DYNC1I1: variants seen among roughly 807,000 people sequenced by gnomAD.
DYNC1I1 encodes the protein cytoplasmic dynein 1 intermediate chain 1.
A neutral mutation model predicts 86.6 loss-of-function variants in DYNC1I1; 43 were observed. That is an observed-to-expected ratio of 0.50 (90% CI 0.39 to 0.64). DYNC1I1 has a LOEUF of 0.64. Among genes scored for constraint, DYNC1I1 ranks in the 30% least tolerant of loss-of-function variants. The pLI is 0.00. For synonymous variants in DYNC1I1, 262 were observed against 283.7 expected, an observed-to-expected ratio of 0.92 and a Z score of 0.77; for missense variants, 604 against 788.8, an observed-to-expected ratio of 0.77 and a Z score of 2.81.
intron 6 of DYNC1I1, among the ~76,000 whole-genome samples, chr7:95,965,236 A>G (rs1221668724): frequency 6.6e-6 from 1 of 152,182 alleles, no homozygotes; most frequent in African/African-American, 2.4e-5. Context: ...TGCTCCAAAT[A>G]TTGTTGCAAC....
At chr7:96,101,422 G>A (rs1169267984), downstream of DYNC1I1, among the ~76,000 whole-genome samples, 3 of 152,092 alleles carry the variant, frequency 2.0e-5, no homozygotes, top group Admixed American at 2.0e-4. Context: ...TAGGAGGGAG[G>A]ACACCAGGAG....
intron 6 of DYNC1I1, among the ~76,000 whole-genome samples, chr7:95,877,290 C>T (rs1790335867): frequency 6.6e-6 from 1 of 152,170 alleles, no homozygotes; most frequent in South Asian, 2.1e-4. Context: ...TTTACCTTGG[C>T]TTCAACATGC....
intron 14 of DYNC1I1, among the ~76,000 whole-genome samples, chr7:96,053,341 A>G (rs1446453787): frequency 6.6e-6 from 1 of 152,218 alleles, no homozygotes; most frequent in Non-Finnish European, 1.5e-5. Flanking sequence ...TCTGGAATGG[A>G]TCACTGCAGA....
intron 6 of DYNC1I1, among the ~76,000 whole-genome samples, chr7:95,941,762 G>A (rs1355811335): frequency 6.6e-6 from 1 of 152,216 alleles, no homozygotes; most frequent in African/African-American, 2.4e-5. Flanking sequence ...TCCCAAGTGA[G>A]GCAATGCCTT....
At chr7:96,091,498 C>T (rs1190724139) in intron 16 of DYNC1I1, among the ~76,000 whole-genome samples, 1 of 152,092 alleles carries the variant, frequency 6.6e-6, no homozygotes, top group East Asian at 1.9e-4. Flanking sequence ...GGCCATACTT[C>T]ATGTATCTGA....
chr7:95,790,301 C>T (rs922091847), intron 1 of DYNC1I1, among the ~76,000 whole-genome samples: 2 of 152,118 alleles, frequency 1.3e-5, no homozygotes, highest in African/African-American at 4.8e-5. Context: ...TCTCTGACTG[C>T]CTTTCCATTT....
chr7:95,823,366 A>G (rs571480824), intron 4 of DYNC1I1, among the ~76,000 whole-genome samples: 1 of 152,192 alleles, frequency 6.6e-6, no homozygotes, highest in Non-Finnish European at 1.5e-5. Flanking sequence ...ACACTAAGTG[A>G]AGGGAAATTA....
chr7:95,995,914 A>G, intron 9 of DYNC1I1, 34 bp from the exon 10 acceptor site: 1 of 1,560,164 alleles, frequency 6.4e-7, no homozygotes, highest in Non-Finnish European at 8.6e-7. Context: ...TTGTCATCTT[A>G]GCATAATTCA....
At chr7:95,866,806 A>G (rs563904147) in intron 5 of DYNC1I1, among the ~76,000 whole-genome samples, 29 of 152,222 alleles carry the variant, frequency 1.9e-4, no homozygotes, top group Non-Finnish European at 3.8e-4. Context: ...TTCACCCTCA[A>G]GCCAGAAGAA....
intron 6 of DYNC1I1, among the ~76,000 whole-genome samples, chr7:95,941,728 G>T (rs1034626114): frequency 1.3e-5 from 2 of 152,230 alleles, no homozygotes; most frequent in African/African-American, 4.8e-5. Flanking sequence ...GACTAGGAAA[G>T]GGAACTTCCT....
chr7:95,900,831 C>T (rs1197121659), intron 6 of DYNC1I1, among the ~76,000 whole-genome samples: 3 of 152,098 alleles, frequency 2.0e-5, no homozygotes, highest in Non-Finnish European at 2.9e-5. Flanking sequence ...GATTTTCATT[C>T]TAAATAACAT....
chr7:95,939,642 T>C (rs1792146363), intron 6 of DYNC1I1, among the ~76,000 whole-genome samples: 1 of 151,226 alleles, frequency 6.6e-6, no homozygotes, highest in African/African-American at 2.4e-5. Context: ...TTGTTTTCCA[T>C]TTGCTTGGTA....
At chr7:95,814,892 A>G (rs1172429449) in intron 4 of DYNC1I1, among the ~76,000 whole-genome samples, 2 of 152,108 alleles carry the variant, frequency 1.3e-5, no homozygotes, top group African/African-American at 2.4e-5. Flanking sequence ...TGCTTTGAAC[A>G]CTTCAAAAGG....
chr7:96,033,204 G>A (rs185140911), intron 12 of DYNC1I1, among the ~76,000 whole-genome samples: 94 of 152,276 alleles, frequency 6.2e-4, no homozygotes, highest in Non-Finnish European at 1.0e-3. Flanking sequence ...GCTTGTATCC[G>A]TAGCCTAGAC....
chr7:95,820,904 A>C (rs1184754295), intron 4 of DYNC1I1, among the ~76,000 whole-genome samples: 1 of 152,156 alleles, frequency 6.6e-6, no homozygotes, highest in Admixed American at 6.5e-5. Context: ...ATTAGATAAG[A>C]TATGCTTTCC....
At chr7:95,860,567 A>G (rs1789850432) in intron 5 of DYNC1I1, among the ~76,000 whole-genome samples, 1 of 152,222 alleles carries the variant, frequency 6.6e-6, no homozygotes, top group Non-Finnish European at 1.5e-5. Context: ...GTCTTGACCT[A>G]CTTTGTCATC....
intron 13 of DYNC1I1, among the ~76,000 whole-genome samples, chr7:96,036,677 C>T (rs1794934826): frequency 6.6e-6 from 1 of 152,102 alleles, no homozygotes; most frequent in Non-Finnish European, 1.5e-5. Context: ...ATAATGTAAT[C>T]CATCCAATCT....
intron 1 of DYNC1I1, among the ~76,000 whole-genome samples, chr7:95,781,794 T>G (rs893132391): frequency 1.3e-5 from 2 of 152,238 alleles, no homozygotes; most frequent in African/African-American, 4.8e-5. Flanking sequence ...TACTTTCTTA[T>G]TCTTTACACC....
intron 5 of DYNC1I1, among the ~76,000 whole-genome samples, chr7:95,844,864 C>T (rs1173383450): frequency 5.3e-5 from 8 of 152,146 alleles, no homozygotes; most frequent in Non-Finnish European, 1.0e-4. Flanking sequence ...GGCTGGTAAT[C>T]GTTTAACTAT....
Sources: gnomAD v4.1 joint callset for allele counts (sites outside exome capture counted in the v4.1 genomes callset) on GRCh38, gnomAD v4.1.1 for gene constraint, MANE v1.5 for transcripts, NCBI Gene and HGNC (gene_info 2026-07-23, HGNC 2026-07-21) for gene names.